NCOA7: variants seen among roughly 807,000 people sequenced by gnomAD.
NCOA7 encodes 140 kDa estrogen receptor-associated protein.
In NCOA7, 45 loss-of-function variants were observed where a neutral mutation model predicts 104.3. The ratio of observed to expected loss-of-function variants is 0.43; its 90% CI spans 0.34 to 0.55. The LOEUF (loss-of-function observed/expected upper bound fraction) is 0.55. Ranked by LOEUF, NCOA7 falls within the 20% of genes least tolerant of loss-of-function variation. The pLI, the probability that NCOA7 is intolerant of heterozygous loss-of-function variation, is 0.02. For synonymous variants in NCOA7, 398 were observed against 402.3 expected, an observed-to-expected ratio of 0.99 and a Z score of 0.13; for missense variants, 1,041 against 1,119.7, an observed-to-expected ratio of 0.93 and a Z score of 1.00.
chr6:125,890,043 A>G (rs1784520585), intron 9 of NCOA7, 62 bp downstream of exon 9: 15 of 1,234,464 alleles, frequency 1.2e-5, no homozygotes, highest in Middle Eastern at 2.8e-4. Flanking sequence ...TACAATTTGC[A>G]CATGTAATAC....
chr6:125,826,312 CAG>C (rs2128586332), intron 2 of NCOA7, among the ~76,000 whole-genome samples: 1 of 147,402 alleles, frequency 6.8e-6, no homozygotes, highest in South Asian at 2.2e-4. Flanking sequence ...GCCTGGGTGA[CAG>C]AGCAAGACTC....
chr6:125,901,060 C>A (rs1156561126), intron 10 of NCOA7, among the ~76,000 whole-genome samples: 1 of 152,198 alleles, frequency 6.6e-6, no homozygotes, highest in Non-Finnish European at 1.5e-5. Context: ...TTTAGACAGA[C>A]ATGCATTTGA....
At chr6:125,922,645 G>T in intron 12 of NCOA7, 37 bp from the exon 13 acceptor site, 1 of 1,593,532 alleles carries the variant, frequency 6.3e-7, no homozygotes, top group South Asian at 1.1e-5. Context: ...ATTTGTGGGT[G>T]AACCTTCTGT....
intron 2 of NCOA7, among the ~76,000 whole-genome samples, chr6:125,827,066 G>A (rs575209233): frequency 2.0e-4 from 30 of 151,840 alleles, no homozygotes; most frequent in Admixed American, 2.6e-4. Flanking sequence ...GCGTAGTGGC[G>A]CACACCTGTA....
intron 8 of NCOA7, among the ~76,000 whole-genome samples, chr6:125,885,614 G>A (rs1389942037): frequency 1.3e-5 from 2 of 152,224 alleles, no homozygotes; most frequent in Non-Finnish European, 2.9e-5. Context: ...CTAAAAAGCA[G>A]TGCACGTTCT....
In NCOA7 at chr6:125,915,347, A is replaced by T; in HGVS notation, c.2111A>T (p.Tyr704Phe). ...GTGTTTTTCAGGGTGGATCATTTGT[A>T]CACATTCTTTGTTCAGTGGTCTCCC... The part of the protein sequence containing the change: ...AVPRERVDHL[Y>F]TFFVQWSPDV... Residue 704 changes from tyrosine to phenylalanine, a missense_variant, in exon 11 of 16, where the codon TAC becomes TTC. By Grantham distance (22) the Tyr-to-Phe change is conservative. Coordinates refer to ENST00000392477, the MANE Select transcript of NCOA7 (RefSeq NM_181782.5). 6.2e-7 allele frequency: 1 copy of T among 1,613,830 alleles called. No individual in the cohort carries two copies. Among genetic ancestry groups the T allele is most frequent in the Non-Finnish European group, 8.5e-7 (1 of 1,179,744 alleles).
In NCOA7 at chr6:125,855,230, T is replaced by C. The variant is rs1230799389; in HGVS notation, c.261T>C (p.Tyr87=). The change falls in exon 3 of 16, where the codon TAT becomes TAC. Residue 87 remains tyrosine, a synonymous_variant. Transcript: ENST00000392477. ...KEIRRTELKR[Y]YSIDDNQNKT... is the part of the protein sequence containing the mutation. ...TCAGGCGTACAGAACTAAAGAGATA[T>C]TATAGTATTGGTGAGTATTCATGGC... is the stretch of plus-strand genomic sequence containing the variant. 3.1e-6 allele frequency: 5 copies of C among 1,608,512 alleles called. No individual in the cohort carries two copies. The African/African-American group carries it at 4.0e-5, about 13-fold the overall frequency.
chr6:125,913,680 G>T, intron 10 of NCOA7: 1 of 982,686 alleles, frequency 1.0e-6, no homozygotes, highest in Non-Finnish European at 1.2e-6. Flanking sequence ...CACCTTTAAA[G>T]TATAAGAAAA....
chr6:125,914,983 A>AT (rs563516869), intron 10 of NCOA7, among the ~76,000 whole-genome samples: 5 of 152,246 alleles, frequency 3.3e-5, no homozygotes, highest in Admixed American at 6.5e-5. Context: ...TCAGATCTAC[A>AT]TTTTTTTCCT....
upstream of NCOA7, among the ~76,000 whole-genome samples, chr6:125,788,698 A>ATTTTTTTTT (rs60048395): frequency 1.4e-3 from 171 of 121,860 alleles, 6 homozygotes; most frequent in East Asian, 0.013. Flanking sequence ...CACCCAGCTA[A>ATTTTTTTTT]TTTTTTTTTT....
At chr6:125,916,579 C>G (rs1441960623) in intron 11 of NCOA7, among the ~76,000 whole-genome samples, 1 of 152,218 alleles carries the variant, frequency 6.6e-6, no homozygotes, top group African/African-American at 2.4e-5. Context: ...TGTTCTGCTG[C>G]TCTCTTGAAC....
chr6:125,900,614 C>A (rs1463203759), intron 10 of NCOA7, among the ~76,000 whole-genome samples: 3 of 152,210 alleles, frequency 2.0e-5, no homozygotes, highest in African/African-American at 7.2e-5. Flanking sequence ...AATTAAACAT[C>A]CTCATTACCA....
chr6:125,804,468 A>T (rs1776228113), intron 1 of NCOA7, among the ~76,000 whole-genome samples: 1 of 152,276 alleles, frequency 6.6e-6, no homozygotes, highest in African/African-American at 2.4e-5. Flanking sequence ...CCCAGTAGTG[A>T]TTGATGGTGA....
chr6:125,924,746 C>T (rs1469799349), intron 13 of NCOA7, among the ~76,000 whole-genome samples: 1 of 152,214 alleles, frequency 6.6e-6, no homozygotes, highest in African/African-American at 2.4e-5. Context: ...ACTTGAGGCA[C>T]AACTCTCTCC....
At position 125,929,581 on chromosome 6, in the gene NCOA7, C is replaced by G. The variant is rs2128705652; in HGVS notation, c.*810C>G. 6.6e-6 allele frequency: 1 copy of G among 152,050 alleles called. No individual in the cohort carries two copies. Among genetic ancestry groups the G allele is most frequent in the East Asian group, 1.9e-4 (1 of 5,174 alleles). 9.4% of individuals were successfully genotyped at this position (152,050 alleles called of 1,614,324 possible). ...TCATTATGAATGTTCATCAATTTGA[C>G]TATTATAGGCCAGCTTTCCATTTAG... is the stretch of plus-strand genomic sequence containing the variant. On this transcript the variant is annotated 3_prime_UTR_variant, in exon 16 of 16. Transcript: ENST00000392477.
chr6:125,901,864 AAGG>A (rs1268849744), intron 10 of NCOA7, among the ~76,000 whole-genome samples: 1 of 152,116 alleles, frequency 6.6e-6, no homozygotes, highest in Non-Finnish European at 1.5e-5. Flanking sequence ...GGGAGCTGGA[AAGG>A]AGATGGAGTG....
intron 2 of NCOA7, among the ~76,000 whole-genome samples, chr6:125,819,065 C>G (rs1223662999): frequency 6.6e-6 from 1 of 152,100 alleles, no homozygotes; most frequent in Admixed American, 6.6e-5. Context: ...ACCCTAAAAA[C>G]TGCTTTTTAG....
At chr6:125,855,535 G>A (rs1296227260) in intron 3 of NCOA7, 8 of 229,670 alleles carry the variant, frequency 3.5e-5, no homozygotes, top group Non-Finnish European at 4.2e-5. Context: ...TTTTCTTAAT[G>A]TATGTAGACA....
intron 2 of NCOA7, among the ~76,000 whole-genome samples, chr6:125,840,753 C>G (rs71563684): frequency 6.7e-6 from 1 of 150,064 alleles, no homozygotes; most frequent in African/African-American, 2.5e-5. Context: ...TCAAGCAGTT[C>G]TTCTGCTTTG....
Sources: gnomAD v4.1 joint callset for allele counts (sites outside exome capture counted in the v4.1 genomes callset) on GRCh38, gnomAD v4.1.1 for gene constraint, MANE v1.5 for transcripts, NCBI Gene and HGNC (gene_info 2026-07-23, HGNC 2026-07-21) for gene names.